UBN1: variants seen among roughly 807,000 people sequenced by gnomAD.
The protein encoded by UBN1 is ubinuclein-1.
Under a neutral mutation model 108.5 loss-of-function variants are expected in UBN1, and 17 were observed. The ratio of observed to expected loss-of-function variants is 0.16; its 90% CI spans 0.11 to 0.24. UBN1 has a LOEUF of 0.24. Ranked by LOEUF, UBN1 falls within the 10% of genes least tolerant of loss-of-function variation. The pLI is 1.00. For synonymous variants in UBN1, 726 were observed against 564.2 expected (o/e 1.29, Z -4.07); for missense variants, 1,595 against 1,394.4 (o/e 1.14, Z -2.29).
At chr16:4,859,728 AT>A in intron 5 of UBN1, 136 bp from the exon 6 acceptor site, 1 of 1,422,410 alleles carries the variant, frequency 7.0e-7, no homozygotes, top group Non-Finnish European at 9.3e-7. Context: ...CCAGGGACTG[AT>A]CTGAGAGCTT....
At chr16:4,865,457 G>A (rs919686322) in intron 7 of UBN1, among the ~76,000 whole-genome samples, 4 of 152,170 alleles carry the variant, frequency 2.6e-5, no homozygotes, top group East Asian at 1.9e-4. Context: ...GAGGTGGGAG[G>A]ATCACCTGAG....
At chr16:4,865,540 G>T (rs553294491) in intron 7 of UBN1, among the ~76,000 whole-genome samples, 1 of 152,096 alleles carries the variant, frequency 6.6e-6, no homozygotes, top group Non-Finnish European at 1.5e-5. Context: ...GCGTGGTTGC[G>T]TGCAGCTGTA....
At chr16:4,853,219 G>C (rs12325132) in intron 2 of UBN1, 53 bp downstream of exon 2, 123,499 of 1,592,872 alleles carry the variant, frequency 0.078, 5,133 homozygotes, top group African/African-American at 0.098. Context: ...AGGGGTCAGT[G>C]CATGCATGTG....
chr16:4,869,230 CTG>C (rs1182918752), intron 8 of UBN1, among the ~76,000 whole-genome samples: 1 of 152,190 alleles, frequency 6.6e-6, no homozygotes, highest in African/African-American at 2.4e-5. Flanking sequence ...TGTTGCCTGA[CTG>C]TCTCTGAGAA....
intron 3 of UBN1, 37 bp downstream of exon 3, chr16:4,858,113 T>C (rs1567899212): frequency 7.1e-7 from 1 of 1,400,930 alleles, no homozygotes; most frequent in Non-Finnish European, 1.0e-6. Context: ...ACAACCTCAT[T>C]GGGTGGGAGA....
At chr16:4,867,609 T>C (rs1255079494) in intron 7 of UBN1, among the ~76,000 whole-genome samples, 3 of 152,172 alleles carry the variant, frequency 2.0e-5, no homozygotes, top group African/African-American at 7.2e-5. Flanking sequence ...GTCTGTGTTA[T>C]TTTGAAGCCC....
At chr16:4,863,363 G>C (rs1007264785) in intron 7 of UBN1, among the ~76,000 whole-genome samples, 18 of 152,080 alleles carry the variant, frequency 1.2e-4, no homozygotes, top group African/African-American at 4.1e-4. Context: ...CAAATGCTCA[G>C]GACCCCTGAT....
At chr16:4,865,208 T>G (rs1327415484) in intron 7 of UBN1, among the ~76,000 whole-genome samples, 3 of 152,188 alleles carry the variant, frequency 2.0e-5, no homozygotes, top group Non-Finnish European at 4.4e-5. Context: ...AGATTTACTT[T>G]AAAATGCCGC....
intron 15 of UBN1, 23 bp from the exon 16 acceptor site, chr16:4,876,848 C>G: frequency 1.3e-6 from 2 of 1,559,284 alleles, no homozygotes; most frequent in Non-Finnish European, 1.7e-6. Context: ...GAGTTCTTAC[C>G]GCTTGCTGTG....
rs752586823 is a variant in UBN1, at chr16:4,874,495, G to T, written c.2085G>T (p.Leu695=). ...SRAAGNSEFT[L]PAPSKAPAEK... ...CAGCTGGGAACTCTGAATTCACACT[G>T]CCTGCACCCTCAAAAGCACCTGCAG... Residue 695 remains leucine, a synonymous_variant, in exon 15 of 18, where the codon CTG becomes CTT. Transcript: ENST00000262376. 1.9e-6 allele frequency: 3 copies of T among 1,614,110 alleles called. No homozygotes were observed. The African/African-American group carries it at 4.0e-5, about 22-fold the overall frequency.
chr16:4,864,075 CTTTTT>C (rs796516323), intron 7 of UBN1, among the ~76,000 whole-genome samples: 10 of 86,428 alleles, frequency 1.2e-4, no homozygotes, highest in African/African-American at 2.0e-4. Context: ...TTGTTGTTGC[CTTTTT>C]TTTTTTTTTT....
In UBN1 at chr16:4,859,867, G is replaced by A. The variant is rs1317845582; in HGVS notation, c.570G>A (p.Lys190=). ...TGTGCCTTGTCTTTAATTCTCAGAA[G>A]CGGAAGTTGAAGGAAGGTGGTGAGA... ...IKEKKKKSPK[K]RKLKEGGEKI... The change falls in exon 6 of 18, where the codon AAG becomes AAA. Residue 190 remains lysine, a splice_region_variant and synonymous_variant. Coordinates refer to ENST00000262376, the MANE Select transcript of UBN1 (RefSeq NM_001079514.3). The A allele has an allele frequency of 6.2e-7, 1 of 1,614,050 alleles. No individual in the cohort carries two copies. Among genetic ancestry groups the A allele is most frequent in the Non-Finnish European group, 8.5e-7 (1 of 1,179,974 alleles).
chr16:4,867,347 G>A (rs2087384413), intron 7 of UBN1, among the ~76,000 whole-genome samples: 3 of 152,188 alleles, frequency 2.0e-5, no homozygotes, highest in African/African-American at 7.2e-5. Flanking sequence ...ACACGCAGAT[G>A]TTTTCTAACC....
intron 1 of UBN1, among the ~76,000 whole-genome samples, chr16:4,852,014 A>G (rs1342475861): frequency 6.6e-6 from 1 of 152,178 alleles, no homozygotes; most frequent in East Asian, 1.9e-4. Context: ...TTATTCAACC[A>G]TTCCCTGATT....
chr16:4,858,044 G>C lies in UBN1; in HGVS notation c.304G>C (p.Glu102Gln), dbSNP rs1267925239. 1 of 1,613,580 alleles carries C rather than the reference G, an allele frequency of 6.2e-7. No homozygotes were observed. The highest frequency in any genetic ancestry group is 1.1e-5 in the South Asian group (1 of 91,048). ...CGAAGAAAAGGAAAGGCATAAAGTAGAGGCCCTTGCCCGAAAATTTGAAGA... is the reference window on the plus strand; with the variant it reads ...CGAAGAAAAGGAAAGGCATAAAGTACAGGCCCTTGCCCGAAAATTTGAAGA... ...NDEEKERHKV[E>Q]ALARKFEEKY... Residue 102 changes from glutamate to glutamine, a missense_variant, in exon 3 of 18, where the codon GAG becomes CAG. Physicochemically the swap from Glu to Gln is conservative, Grantham distance 29. This residue lies in a region of UBN1 where 181 missense variants were observed against 157.3 expected (regional missense o/e 1.15). Coordinates refer to ENST00000262376, the MANE Select transcript of UBN1 (RefSeq NM_001079514.3).
Position 4,875,288 on chromosome 16 carries a change from G to C in UBN1, c.2878G>C (p.Val960Leu). 1 of 1,614,240 alleles carries C rather than the reference G, an allele frequency of 6.2e-7. No homozygotes were observed. ...VPSSAGKKMP[V>L]SQKLTLVAPP... ...AAGTTCAGCAGGGAAAAAAATGCCTGTTTCCCAGAAGTTGACTCTGGTAGC... is the reference window on the plus strand; with the variant it reads ...AAGTTCAGCAGGGAAAAAAATGCCTCTTTCCCAGAAGTTGACTCTGGTAGC... Residue 960 changes from valine to leucine, a missense_variant, in exon 15 of 18, where the codon GTT (valine) becomes CTT (leucine). By Grantham distance (32) the Val-to-Leu change is conservative. This residue lies in a region of UBN1 where 1,398 missense variants were observed against 1,194.7 expected (regional missense o/e 1.17). Coordinates refer to ENST00000262376, the MANE Select transcript of UBN1 (RefSeq NM_001079514.3).
At chr16:4,876,764 T>A (rs1016459199) in intron 15 of UBN1, 107 bp from the exon 16 acceptor site, 1 of 1,494,230 alleles carries the variant, frequency 6.7e-7, no homozygotes, top group Middle Eastern at 1.8e-4. Context: ...GATGTGTATG[T>A]CCTCCTTTGT....
Position 4,858,009 on chromosome 16 carries a change from C to A in UBN1, c.269C>A (p.Pro90His). 1 of 1,612,778 alleles carries A rather than the reference C, an allele frequency of 6.2e-7. No individual in the cohort carries two copies. The highest frequency in any genetic ancestry group is 2.2e-5 in the East Asian group (1 of 44,890). ...TTACAGAAGAAAGATCTGTCAGATC[C>A]TTTCAATGACGAAGAAAAGGAAAGG... Reference protein sequence around the residue: ...PGDKKKDLSDPFNDEEKERHK... With the variant: ...PGDKKKDLSDHFNDEEKERHK... The change falls in exon 3 of 18, where the codon CCT becomes CAT. Residue 90 changes from proline to histidine, a missense_variant. By Grantham distance (77) the Pro-to-His change is moderately conservative. Coordinates refer to ENST00000262376, the MANE Select transcript of UBN1 (RefSeq NM_001079514.3).
Position 4,877,671 on chromosome 16 carries a change from C to T in UBN1, c.3355+197C>T, listed in dbSNP as rs1221070434. On this transcript the variant is annotated intron_variant, in intron 17 of 17. Coordinates refer to ENST00000262376, the MANE Select transcript of UBN1 (RefSeq NM_001079514.3). The surrounding 1 kb of genome is among the most constrained non-coding windows in gnomAD (Gnocchi z 4.3). ...CTCTTGGGGTTTCCTCTGGTCCCCACTTGGAGCTGCCGCCAGGTCAGCCTC... is the reference window on the plus strand; with the variant it reads ...CTCTTGGGGTTTCCTCTGGTCCCCATTTGGAGCTGCCGCCAGGTCAGCCTC... 3 of 1,281,618 alleles carry T rather than the reference C, an allele frequency of 2.3e-6. No individual in the cohort carries two copies. The African/African-American group carries it at 4.6e-5, about 20-fold the overall frequency. The allele number at this position is 1,281,618 out of a possible 1,614,324, so 79.4% of individuals were successfully genotyped here.
Sources: allele counts gnomAD v4.1 joint callset (sites outside exome capture counted in the v4.1 genomes callset), GRCh38; gene constraint gnomAD v4.1.1; regional missense constraint gnomAD v4.1.1; non-coding constraint Gnocchi (gnomAD v3.1); transcripts MANE v1.5; gene names NCBI Gene and HGNC (gene_info 2026-07-23, HGNC 2026-07-21).